Variants in LEPR observed in about 807,000 individuals in gnomAD.
LEPR encodes the protein OB receptor.
Under a neutral mutation model 114.7 loss-of-function variants are expected in LEPR, and 56 were observed. The observed-to-expected ratio is 0.49, with a 90% confidence interval of 0.39 to 0.61. The LOEUF (loss-of-function observed/expected upper bound fraction) is 0.61. Among genes scored for constraint, LEPR ranks in the 20% least tolerant of loss-of-function variants. LEPR has a pLI of 0.00. For missense variants in LEPR, 1,202 were observed against 1,352.9 expected (o/e 0.89, Z 1.75); for synonymous variants, 443 against 461.4 (o/e 0.96, Z 0.51).
chr1:65,425,157 C>T, intron 1 of LEPR, 146 bp from the exon 2 acceptor site: 1 of 648,796 alleles, frequency 1.5e-6, no homozygotes, highest in Non-Finnish European at 2.7e-6. Context: ...GTTATGCAGC[C>T]ATCACTACTA....
At chr1:65,610,656 A>G (rs571826611) in intron 14 of LEPR, among the ~76,000 whole-genome samples, 33 of 152,194 alleles carry the variant, frequency 2.2e-4, no homozygotes, top group Non-Finnish European at 4.6e-4. Flanking sequence ...ATCCTGAACA[A>G]TGTAAATGTC....
chr1:65,618,178 C>T (rs1657644952), intron 16 of LEPR, 32 bp downstream of exon 16: 1 of 1,577,062 alleles, frequency 6.3e-7, no homozygotes, highest in Non-Finnish European at 8.7e-7. Flanking sequence ...AAGTTGCTCT[C>T]ATGGATTAAT....
rs534136665 is a variant in LEPR, at chr1:65,521,222, G to C, written c.-20-44324G>C. Among the ~76,000 whole-genome samples the C allele has an allele frequency of 7.2e-5, 11 of 152,318 alleles. No homozygotes were observed. In the South Asian group the frequency reaches 2.3e-3, roughly 32 times the overall value. The stretch of plus-strand genomic sequence containing the variant: ...TTCACATTGAAAATCAGTCAGATTT[G>C]CTTCAGCCTCAAAGAATGTGTCTAA... On this transcript the variant is annotated intron_variant, in intron 2 of 19. Transcript: ENST00000349533.
intron 14 of LEPR, among the ~76,000 whole-genome samples, chr1:65,615,283 C>T (rs1046711392): frequency 3.3e-5 from 5 of 152,152 alleles, no homozygotes; most frequent in Non-Finnish European, 5.9e-5. Context: ...TTAATCTTAC[C>T]TGCCATAGGT....
At chr1:65,440,000 C>CAAAAAAAAAAAAA (rs550347312) in intron 2 of LEPR, among the ~76,000 whole-genome samples, 5 of 58,136 alleles carry the variant, frequency 8.6e-5, no homozygotes, top group African/African-American at 1.5e-4. Context: ...GATTCTGTCT[C>CAAAAAAAAAAAAA]AAAAAAAAAA....
At chr1:65,426,736 C>A (rs746592371) in intron 2 of LEPR, among the ~76,000 whole-genome samples, 1 of 152,174 alleles carries the variant, frequency 6.6e-6, no homozygotes, top group East Asian at 1.9e-4. Context: ...CCATGGCTCA[C>A]GCCTGTAATC....
chr1:65,443,575 ATAC>A (rs765060243), intron 2 of LEPR, among the ~76,000 whole-genome samples: 51 of 152,066 alleles, frequency 3.4e-4, no homozygotes, highest in Non-Finnish European at 6.3e-4. Flanking sequence ...CTATATTTAA[ATAC>A]TAAGGGATAA....
chr1:65,439,604 G>A (rs1023269644), intron 2 of LEPR, among the ~76,000 whole-genome samples: 2 of 151,924 alleles, frequency 1.3e-5, no homozygotes, highest in Non-Finnish European at 2.9e-5. Context: ...ATCATCTGAG[G>A]TCAGGAGTTC....
intron 2 of LEPR, among the ~76,000 whole-genome samples, chr1:65,473,135 G>A (rs970985074): frequency 6.6e-6 from 1 of 152,178 alleles, no homozygotes; most frequent in Non-Finnish European, 1.5e-5. Flanking sequence ...CTGTGCCAGG[G>A]TCTGTGCCAA....
intron 2 of LEPR, among the ~76,000 whole-genome samples, chr1:65,448,017 T>C (rs1420643599): frequency 2.0e-5 from 3 of 152,232 alleles, no homozygotes; most frequent in Non-Finnish European, 2.9e-5. Context: ...TTTCATTTCA[T>C]GTTCTTATCC....
chr1:65,628,205 A>G (rs910515077), intron 19 of LEPR, among the ~76,000 whole-genome samples: 2 of 152,150 alleles, frequency 1.3e-5, no homozygotes, highest in South Asian at 2.1e-4. Flanking sequence ...TTCCTGCCAG[A>G]TCTTTTTTCT....
chr1:65,487,217 T>G lies in LEPR; in HGVS notation c.-21+61839T>G, dbSNP rs1197830980. Among the ~76,000 whole-genome samples, 14 of 152,304 alleles carry G rather than the reference T, an allele frequency of 9.2e-5. No individual in the cohort carries two copies. The South Asian group carries it at 2.9e-3, about 32-fold the overall frequency. On this transcript the variant is annotated intron_variant, in intron 2 of 19. Coordinates refer to ENST00000349533, the MANE Select transcript of LEPR (RefSeq NM_002303.6). ...TGGACTTTTTATAGTTTTTACTATT[T>G]GTCTGTCAGTTGTCACTTTTTGCTG... is the stretch of plus-strand genomic sequence containing the variant.
chr1:65,630,045 A>T (rs1328721189), intron 19 of LEPR, among the ~76,000 whole-genome samples: 1 of 152,088 alleles, frequency 6.6e-6, no homozygotes, highest in East Asian at 1.9e-4. Flanking sequence ...CTCGATTGTT[A>T]GTTTGGTGGA....
At chr1:65,427,352 T>C (rs1049236770) in intron 2 of LEPR, among the ~76,000 whole-genome samples, 6 of 152,106 alleles carry the variant, frequency 3.9e-5, no homozygotes, top group Non-Finnish European at 8.8e-5. Flanking sequence ...GGTAGGAGGA[T>C]TGCTTGAAGC....
chr1:65,480,102 C>T (rs1647204194), intron 2 of LEPR, among the ~76,000 whole-genome samples: 1 of 152,074 alleles, frequency 6.6e-6, no homozygotes. Flanking sequence ...AGTCAACCAC[C>T]ACACCAATGG....
intron 19 of LEPR, among the ~76,000 whole-genome samples, chr1:65,623,589 C>G (rs1658016282): frequency 1.3e-5 from 2 of 152,080 alleles, no homozygotes; most frequent in South Asian, 4.1e-4. Context: ...CTCATAATGT[C>G]CCTTGAAGCA....
At chr1:65,619,820 T>C in intron 16 of LEPR, 108 bp from the exon 17 acceptor site, 1 of 908,220 alleles carries the variant, frequency 1.1e-6, no homozygotes, top group South Asian at 1.5e-5. Context: ...AAGTAATTTC[T>C]ATGTTTGGAA....
chr1:65,540,877 G>A (rs918841910), intron 2 of LEPR, among the ~76,000 whole-genome samples: 1 of 152,132 alleles, frequency 6.6e-6, no homozygotes, highest in Non-Finnish European at 1.5e-5. Context: ...TGTCACCCAG[G>A]CTAGAGTACA....
At chr1:65,600,420 C>T (rs904788605) in intron 8 of LEPR, among the ~76,000 whole-genome samples, 2 of 151,972 alleles carry the variant, frequency 1.3e-5, no homozygotes, top group Non-Finnish European at 2.9e-5. Flanking sequence ...TAGACATTGA[C>T]GTTTACCATG....
Sources: allele counts gnomAD v4.1 joint callset (sites outside exome capture counted in the v4.1 genomes callset), GRCh38; gene constraint gnomAD v4.1.1; transcripts MANE v1.5; gene names NCBI Gene and HGNC (gene_info 2026-07-23, HGNC 2026-07-21).